The following NCKAP1L variants were observed in gnomAD, a reference collection of about 807,000 sequenced individuals.
NCKAP1L encodes NCK associated protein 1 like.
Under a neutral mutation model 139.2 loss-of-function variants are expected in NCKAP1L, and 53 were observed. The observed-to-expected ratio is 0.38, with a 90% CI of 0.31 to 0.48. NCKAP1L has a LOEUF of 0.48. Among genes scored for constraint, NCKAP1L ranks in the 20% least tolerant of loss-of-function variants. NCKAP1L has a pLI of 0.98. For synonymous variants in NCKAP1L, 468 were observed against 499.7 expected, an observed-to-expected ratio of 0.94 and a Z score of 0.85; for missense variants, 1,151 against 1,381.9, an observed-to-expected ratio of 0.83 and a Z score of 2.65.
At position 54,526,682 on chromosome 12, in the gene NCKAP1L, C is replaced by A. The variant is rs1318920928; in HGVS notation, c.2311C>A (p.Leu771Met). ...TTCCAGAGTCATCCGCAACGCCCTC[C>A]TGCAGCAGACACAACCACTGGATTC... is the stretch of plus-strand genomic sequence containing the variant. ...DASRVIRNAL[L>M]QQTQPLDSCG... The change falls in exon 21 of 31, where the codon CTG becomes ATG. Residue 771 changes from leucine to methionine, a missense_variant. Physicochemically the swap from Leu to Met is conservative, Grantham distance 15. Transcript: ENST00000293373. 1.2e-6 allele frequency: 2 copies of A among 1,613,990 alleles called. No homozygotes were observed. The highest frequency in any genetic ancestry group is 1.7e-6 in the Non-Finnish European group (2 of 1,180,016).
intron 30 of NCKAP1L, among the ~76,000 whole-genome samples, chr12:54,540,586 C>T (rs1197476821): frequency 1.3e-5 from 2 of 152,102 alleles, no homozygotes; most frequent in African/African-American, 2.4e-5. Flanking sequence ...GGTTAGAATC[C>T]GTAAGGTATT....
chr12:54,500,393 G>A (rs1050305080), intron 2 of NCKAP1L, 140 bp from the exon 3 acceptor site: 3 of 552,872 alleles, frequency 5.4e-6, no homozygotes, highest in Admixed American at 2.7e-5. Context: ...CAAAGTGCTG[G>A]GATTACAGGT....
intron 22 of NCKAP1L, 64 bp from the exon 23 acceptor site, chr12:54,531,196 G>A: frequency 1.7e-6 from 2 of 1,198,796 alleles, no homozygotes; most frequent in Non-Finnish European, 2.5e-6. Flanking sequence ...TTACCCTATA[G>A]CTGTTGTACA....
In NCKAP1L at chr12:54,497,815, A is replaced by G. The variant is rs1267610235; in HGVS notation, c.26A>G (p.His9Arg). 1 of 1,613,298 alleles carries G rather than the reference A, an allele frequency of 6.2e-7. No homozygotes were observed. The highest frequency in any genetic ancestry group is 1.3e-5 in the African/African-American group (1 of 74,922). MSLTSAYQ[H>R]KLAEKLTILN... ...ATGTCTTTGACATCTGCTTACCAGCATAAATTAGCAGAGAAGCTCACTATC... is the reference window on the plus strand; with the variant it reads ...ATGTCTTTGACATCTGCTTACCAGCGTAAATTAGCAGAGAAGCTCACTATC... Residue 9 changes from histidine to arginine, a missense_variant, in exon 1 of 31, where the codon CAT becomes CGT. Coordinates refer to ENST00000293373, the MANE Select transcript of NCKAP1L (RefSeq NM_005337.5).
intron 1 of NCKAP1L, chr12:54,498,836 G>T (rs369784600): frequency 2.0e-6 from 2 of 984,730 alleles, no homozygotes; most frequent in Non-Finnish European, 2.4e-6. Context: ...AAATGCCTAG[G>T]TTGTTATTTC....
Position 54,507,893 on chromosome 12 carries a change from A to G in NCKAP1L, c.347A>G (p.Gln116Arg). The change falls in exon 4 of 31, where the codon CAG becomes CGG. Residue 116 changes from glutamine (Q) to arginine (R), a missense_variant. Coordinates refer to ENST00000293373, the MANE Select transcript of NCKAP1L (RefSeq NM_005337.5). The part of the protein sequence containing the change: ...YELLNTIDAC[Q>R]CHFDINLNFD... ...CTTCTCAACACCATTGATGCCTGCC[A>G]GTGCCATTTTGATATCGTAAGAACC... 6.2e-7 allele frequency: 1 copy of G among 1,614,046 alleles called. No individual in the cohort carries two copies. The highest frequency in any genetic ancestry group is 8.5e-7 in the Non-Finnish European group (1 of 1,179,914).
intron 2 of NCKAP1L, among the ~76,000 whole-genome samples, chr12:54,500,133 T>C (rs1398080859): frequency 6.6e-6 from 1 of 151,398 alleles, no homozygotes; most frequent in African/African-American, 2.4e-5. Context: ...TTTCTTTTTT[T>C]TTTTTTTTGA....
At chr12:54,512,220 T>C (rs1037621623) in intron 9 of NCKAP1L, 115 bp downstream of exon 9, 1 of 1,133,902 alleles carries the variant, frequency 8.8e-7, no homozygotes, top group Non-Finnish European at 1.2e-6. Flanking sequence ...TAATTCTAAC[T>C]ATTGAAGAAA....
intron 16 of NCKAP1L, 93 bp downstream of exon 16, chr12:54,519,425 T>A (rs1434097649): frequency 1.0e-6 from 1 of 966,774 alleles, no homozygotes; most frequent in Non-Finnish European, 1.4e-6. Context: ...AAGAATTTTG[T>A]TTAATTTTTT....
rs1957206193 is a variant in NCKAP1L, at chr12:54,547,490, T to TTGTGTGTGTGTGCGTGTGTGTGTGTG, written c.*4818_*4843dup. ...TCTAATGTCTCTTTCACGAATAACT[T>TTGTGTGTGTGTGCGTGTGTGTGTGTG]TGTGTGTGTGTGCGTGTGTGTGTGT... On this transcript the variant is annotated 3_prime_UTR_variant, in exon 31 of 31. Coordinates refer to ENST00000293373, the MANE Select transcript of NCKAP1L (RefSeq NM_005337.5). The TTGTGTGTGTGTGCGTGTGTGTGTGTG allele has an allele frequency of 8.4e-6, 1 of 118,946 alleles. No homozygotes were observed. Among genetic ancestry groups the TTGTGTGTGTGTGCGTGTGTGTGTGTG allele is most frequent in the Admixed American group, 9.2e-5 (1 of 10,860 alleles). The allele number at this position is 118,946 out of a possible 1,614,324, so 7.4% of individuals were successfully genotyped here.
intron 28 of NCKAP1L, among the ~76,000 whole-genome samples, 167 bp from the exon 29 acceptor site, chr12:54,536,777 C>T (rs907244979): frequency 6.6e-6 from 1 of 151,260 alleles, no homozygotes; most frequent in Admixed American, 6.6e-5. Context: ...AATAAGATTT[C>T]ATAGGAATAT....
intron 30 of NCKAP1L, among the ~76,000 whole-genome samples, chr12:54,542,049 C>G (rs1444588278): frequency 6.6e-6 from 1 of 152,074 alleles, no homozygotes; most frequent in Non-Finnish European, 1.5e-5. Flanking sequence ...TCTAATTAAA[C>G]TAATTAATCA....
In NCKAP1L at chr12:54,533,311, G is replaced by A. The variant is rs554494181; in HGVS notation, c.2862+1061G>A. Among the ~76,000 whole-genome samples the A allele has an allele frequency of 5.1e-4, 78 of 152,296 alleles. No individual in the cohort carries two copies. The South Asian group carries it at 9.1e-3, about 18-fold the overall frequency. Reference sequence around the variant, plus strand: ...AAATAAGCAGGTAGGGGCAGAGAGGGAGGATGGCCTGTCCATCAGAGATGC... The same window carrying A: ...AAATAAGCAGGTAGGGGCAGAGAGGAAGGATGGCCTGTCCATCAGAGATGC... On this transcript the variant is annotated intron_variant, in intron 26 of 30. Coordinates refer to ENST00000293373, the MANE Select transcript of NCKAP1L (RefSeq NM_005337.5).
Position 54,531,791 on chromosome 12 carries a change from G to A in NCKAP1L, c.2747G>A (p.Ser916Asn). ...ATGACCATCATTGGGGTTATCCTCA[G>A]TTTCAGGGCCATGGCCCAAGAGGGA... ...KRMTIIGVIL[S>N]FRAMAQEGLR... Residue 916 changes from serine (S) to asparagine (N), a missense_variant, in exon 25 of 31, where the codon AGT (serine) becomes AAT (asparagine). Coordinates refer to ENST00000293373, the MANE Select transcript of NCKAP1L (RefSeq NM_005337.5). 1.2e-6 allele frequency: 2 copies of A among 1,612,912 alleles called. No individual in the cohort carries two copies. The highest frequency in any genetic ancestry group is 1.7e-6 in the Non-Finnish European group (2 of 1,178,940).
rs1957002805 is a variant in NCKAP1L at position 54,523,494 on chromosome 12, A to G, written c.1979A>G (p.Lys660Arg). 6.2e-7 allele frequency: 1 copy of G among 1,614,142 alleles called. No individual in the cohort carries two copies. The highest frequency in any genetic ancestry group is 8.5e-7 in the Non-Finnish European group (1 of 1,180,012). ...AGAAAAGGAGAGCCCGAGAGGGACA[A>G]GCCAGGAGCTGAGAGTCACCGGAAG... Reference protein sequence around the residue: ...TPRKGEPERDKPGAESHRKNR... With the variant: ...TPRKGEPERDRPGAESHRKNR... Residue 660 changes from lysine to arginine, a missense_variant, in exon 19 of 31, where the codon AAG becomes AGG. Lys to Arg is a conservative substitution (Grantham distance 26). Transcript: ENST00000293373.
intron 9 of NCKAP1L, among the ~76,000 whole-genome samples, chr12:54,513,422 G>T (rs1238803395): frequency 2.0e-5 from 3 of 152,120 alleles, no homozygotes; most frequent in African/African-American, 7.2e-5. Context: ...TTGCTGAGTT[G>T]GTAGTTAAAG....
At chr12:54,522,075 T>G (rs1410625918) in intron 18 of NCKAP1L, among the ~76,000 whole-genome samples, 1 of 152,230 alleles carries the variant, frequency 6.6e-6, no homozygotes, top group Non-Finnish European at 1.5e-5. Context: ...TTACCTGCTA[T>G]ATTAGTTGGT....
In NCKAP1L at chr12:54,518,012, G is replaced by A; in HGVS notation, c.1338+74G>A. On this transcript the variant is annotated intron_variant, in intron 13 of 30. Transcript: ENST00000293373. ...GTGATTTTCCTATTGAAACCACTCT[G>A]GCTGAATCTCATGCTCTGTAAGTTG... is the stretch of plus-strand genomic sequence containing the variant. The A allele has an allele frequency of 1.9e-6, 3 of 1,558,988 alleles. No homozygotes were observed. In the South Asian group the frequency reaches 3.4e-5, roughly 18 times the overall value.
chr12:54,534,978 A>G (rs950215106), intron 26 of NCKAP1L, 126 bp from the exon 27 acceptor site: 3 of 612,964 alleles, frequency 4.9e-6, no homozygotes, highest in Non-Finnish European at 8.3e-6. Flanking sequence ...CTTTCTCTAC[A>G]TATATATAAA....
Sources: gnomAD v4.1 joint callset for allele counts (sites outside exome capture counted in the v4.1 genomes callset) on GRCh38, gnomAD v4.1.1 for gene constraint, MANE v1.5 for transcripts, NCBI Gene and HGNC (gene_info 2026-07-23, HGNC 2026-07-21) for gene names.